The following KCNK13 variants were observed in gnomAD, a reference collection of about 807,000 sequenced individuals.
KCNK13 encodes potassium two pore domain channel subfamily K member 13, also known as potassium channel subfamily K member 13.
Under a neutral mutation model 23.4 loss-of-function variants are expected in KCNK13, and 12 were observed. The ratio of observed to expected loss-of-function variants is 0.51; its 90% CI spans 0.33 to 0.83. The LOEUF (loss-of-function observed/expected upper bound fraction) is 0.83. Ranked by LOEUF, KCNK13 falls within the 40% of genes least tolerant of loss-of-function variation. KCNK13 has a pLI of 0.02. For synonymous variants in KCNK13, 231 were observed against 229.5 expected (o/e 1.01, Z -0.06); for missense variants, 463 against 556.3 (o/e 0.83, Z 1.69).
chr14:90,126,169 A>T (rs998869532), intron 1 of KCNK13, among the ~76,000 whole-genome samples: 2 of 152,180 alleles, frequency 1.3e-5, no homozygotes, highest in Non-Finnish European at 2.9e-5. Context: ...AAATAAATGG[A>T]ATAGAAACAA....
intron 1 of KCNK13, among the ~76,000 whole-genome samples, chr14:90,154,951 A>G (rs1890177648): frequency 6.6e-6 from 1 of 152,250 alleles, no homozygotes; most frequent in Non-Finnish European, 1.5e-5. Context: ...ACTATGTTTC[A>G]GGCATCATCC....
At chr14:90,169,961 C>T (rs2401870) in intron 1 of KCNK13, among the ~76,000 whole-genome samples, 111,170 of 152,124 alleles carry the variant, frequency 0.73, 41,822 homozygotes, top group East Asian at 0.98. Context: ...CCAAATTGGG[C>T]TATAAGAATA....
intron 1 of KCNK13, among the ~76,000 whole-genome samples, chr14:90,135,297 C>T (rs541392492): frequency 1.3e-5 from 2 of 152,270 alleles, no homozygotes; most frequent in South Asian, 2.1e-4. Context: ...TGCCGTCAAG[C>T]GTCTCCTTGG....
Position 90,130,848 on chromosome 14 carries a change from C to A in KCNK13, c.335-53263C>A, listed in dbSNP as rs116250201. Among the ~76,000 whole-genome samples, 742 of 152,262 alleles carry A rather than the reference C, an allele frequency of 4.9e-3. 5 individuals carry two copies. The highest frequency in any genetic ancestry group is 0.017 in the African/African-American group (712 of 41,560). On this transcript the variant is annotated intron_variant, in intron 1 of 1. Coordinates refer to ENST00000282146, the MANE Select transcript of KCNK13 (RefSeq NM_022054.4). The stretch of plus-strand genomic sequence containing the variant: ...AATAAATATATAGGAATGCAGATTT[C>A]TTTGTGCAGTAAATGGTACAATTAC...
At chr14:90,099,975 C>T (rs11627291) in intron 1 of KCNK13, among the ~76,000 whole-genome samples, 40,669 of 152,042 alleles carry the variant, frequency 0.27, 6,212 homozygotes, top group South Asian at 0.4. Context: ...CAACTAACCA[C>T]GCAGCTCTGG....
chr14:90,096,319 C>G (rs1375299079), intron 1 of KCNK13, among the ~76,000 whole-genome samples: 4 of 152,146 alleles, frequency 2.6e-5, no homozygotes, highest in African/African-American at 4.8e-5. Flanking sequence ...CTGAAACTAC[C>G]TAGGGGCTGC....
chr14:90,144,495 C>CTT (rs71117323), intron 1 of KCNK13, among the ~76,000 whole-genome samples: 1,583 of 119,146 alleles, frequency 0.013, 103 homozygotes, highest in African/African-American at 0.046. Context: ...TTTACTTTCT[C>CTT]TTTTTTTTTT....
intron 1 of KCNK13, among the ~76,000 whole-genome samples, chr14:90,165,663 G>A (rs886963220): frequency 6.6e-5 from 10 of 152,278 alleles, no homozygotes; most frequent in Admixed American, 3.3e-4. Context: ...TTGCTTTTAA[G>A]GAATAGTTTC....
At chr14:90,174,932 G>A (rs1890406469) in intron 1 of KCNK13, among the ~76,000 whole-genome samples, 1 of 151,962 alleles carries the variant, frequency 6.6e-6, no homozygotes, top group African/African-American at 2.4e-5. Flanking sequence ...TGTTAGCTCT[G>A]GCTAATGGGC....
intron 1 of KCNK13, among the ~76,000 whole-genome samples, chr14:90,155,443 T>C (rs369664079): frequency 4.6e-5 from 7 of 152,190 alleles, no homozygotes; most frequent in African/African-American, 1.7e-4. Flanking sequence ...ATGGAGAGTT[T>C]GGGGCTACGG....
At chr14:90,167,711 C>T (rs908419570) in intron 1 of KCNK13, among the ~76,000 whole-genome samples, 2 of 152,138 alleles carry the variant, frequency 1.3e-5, no homozygotes, top group African/African-American at 4.8e-5. Context: ...AAAGCTGGTT[C>T]GGAAGTGACT....
At chr14:90,128,498 C>T (rs571641178) in intron 1 of KCNK13, among the ~76,000 whole-genome samples, 40 of 152,264 alleles carry the variant, frequency 2.6e-4, no homozygotes, top group African/African-American at 9.4e-4. Flanking sequence ...CGTGTGGGCT[C>T]TCAAGTGATG....
At chr14:90,110,723 C>G (rs1030331226) in intron 1 of KCNK13, among the ~76,000 whole-genome samples, 1 of 151,290 alleles carries the variant, frequency 6.6e-6, no homozygotes, top group Non-Finnish European at 1.5e-5. Flanking sequence ...ATATGCATAT[C>G]CCTGGCCAAG....
intron 1 of KCNK13, among the ~76,000 whole-genome samples, chr14:90,131,419 A>C (rs531152843): frequency 6.6e-6 from 1 of 151,978 alleles, no homozygotes; most frequent in African/African-American, 2.4e-5. Flanking sequence ...TTTATTAGAG[A>C]CGGGGTTTCA....
At chr14:90,087,110 A>C (rs1484394218) in intron 1 of KCNK13, among the ~76,000 whole-genome samples, 1 of 135,174 alleles carries the variant, frequency 7.4e-6, no homozygotes, top group Admixed American at 8.1e-5. Context: ...CATTTTATAT[A>C]TATATACATA....
chr14:90,104,130 C>T (rs901839253), intron 1 of KCNK13, among the ~76,000 whole-genome samples: 1 of 152,196 alleles, frequency 6.6e-6, no homozygotes, highest in South Asian at 2.1e-4. Flanking sequence ...TCACTCATCT[C>T]GCTCCTCTAC....
chr14:90,087,665 GCCATTTC>G (rs1889297261), intron 1 of KCNK13, among the ~76,000 whole-genome samples: 2 of 152,192 alleles, frequency 1.3e-5, no homozygotes, highest in Admixed American at 1.3e-4. Context: ...TGATTCAGAA[GCCATTTC>G]AGGATGTTGC....
At chr14:90,145,309 C>T (rs1890060663) in intron 1 of KCNK13, among the ~76,000 whole-genome samples, 1 of 151,900 alleles carries the variant, frequency 6.6e-6, no homozygotes, top group South Asian at 2.1e-4. Context: ...GGGAGGATCA[C>T]CTGAGCCCAG....
intron 1 of KCNK13, among the ~76,000 whole-genome samples, chr14:90,123,724 T>C (rs1889765182): frequency 6.6e-6 from 1 of 152,146 alleles, no homozygotes; most frequent in Non-Finnish European, 1.5e-5. Flanking sequence ...CTCAAACTCC[T>C]GAGCTCAAAT....
Sources: allele counts gnomAD v4.1 joint callset (sites outside exome capture counted in the v4.1 genomes callset), GRCh38; gene constraint gnomAD v4.1.1; transcripts MANE v1.5; gene names NCBI Gene and HGNC (gene_info 2026-07-23, HGNC 2026-07-21).